The following EDIL3 variants were observed in gnomAD, a reference collection of about 807,000 sequenced individuals.
The protein encoded by EDIL3 is EGF-like repeat and discoidin I-like domain-containing protein 3.
A neutral mutation model predicts 67.4 loss-of-function variants in EDIL3; 37 were observed. The ratio of observed to expected loss-of-function variants is 0.55; its 90% CI spans 0.42 to 0.72. The LOEUF is 0.72. Among genes scored for constraint, EDIL3 ranks in the 30% least tolerant of loss-of-function variants. The probability of loss-of-function intolerance (pLI) is 0.00; values close to 1 mark genes in which losing one functional copy is unlikely to be tolerated. For synonymous variants in EDIL3, 195 were observed against 196.3 expected (o/e 0.99, Z 0.05); for missense variants, 527 against 586.3 (o/e 0.90, Z 1.04).
chr5:83,996,461 C>A (rs1745240112), intron 9 of EDIL3, among the ~76,000 whole-genome samples: 1 of 152,124 alleles, frequency 6.6e-6, no homozygotes, highest in Admixed American at 6.6e-5. Flanking sequence ...AAATTAAGAG[C>A]CACCATTGCC....
At chr5:84,371,122 TATA>T (rs1377227960) in intron 1 of EDIL3, among the ~76,000 whole-genome samples, 3 of 150,228 alleles carry the variant, frequency 2.0e-5, no homozygotes, top group Admixed American at 6.6e-5. Flanking sequence ...TGAAAAGTGT[TATA>T]ATATATTTAA....
At chr5:84,323,517 A>C (rs540423980) in intron 1 of EDIL3, among the ~76,000 whole-genome samples, 73 of 152,098 alleles carry the variant, frequency 4.8e-4, no homozygotes, top group Middle Eastern at 6.8e-3. Flanking sequence ...CAAAAGGTAT[A>C]AGGTATAAAG....
chr5:84,205,406 G>A (rs1743950226), intron 3 of EDIL3, among the ~76,000 whole-genome samples: 1 of 152,140 alleles, frequency 6.6e-6, no homozygotes, highest in Non-Finnish European at 1.5e-5. Context: ...GAAGTCAGAT[G>A]TGTCATTGTG....
intron 1 of EDIL3, among the ~76,000 whole-genome samples, chr5:84,313,890 T>C (rs1294803142): frequency 1.3e-5 from 2 of 151,952 alleles, no homozygotes; most frequent in Non-Finnish European, 2.9e-5. Flanking sequence ...TGGAGTGCGG[T>C]AGTGGAGAAA....
At chr5:84,210,586 T>C (rs972930656) in intron 3 of EDIL3, among the ~76,000 whole-genome samples, 1 of 152,072 alleles carries the variant, frequency 6.6e-6, no homozygotes, top group Admixed American at 6.6e-5. Flanking sequence ...AAAAAAAACA[T>C]ATAAGCATAT....
At chr5:84,210,779 G>A (rs1167402333) in intron 3 of EDIL3, among the ~76,000 whole-genome samples, 2 of 152,196 alleles carry the variant, frequency 1.3e-5, no homozygotes, top group Middle Eastern at 3.4e-3. Flanking sequence ...TCATCGAATA[G>A]ACTATGATTT....
chr5:84,378,095 A>G (rs1391663119), intron 1 of EDIL3, among the ~76,000 whole-genome samples: 1 of 152,226 alleles, frequency 6.6e-6, no homozygotes, highest in Non-Finnish European at 1.5e-5. Flanking sequence ...AAACTTTATT[A>G]CCTTAGAAGA....
chr5:84,116,873 T>C (rs1439185036), intron 5 of EDIL3, among the ~76,000 whole-genome samples: 1 of 152,178 alleles, frequency 6.6e-6, no homozygotes, highest in Non-Finnish European at 1.5e-5. Context: ...TCTTATTCAG[T>C]AGAGATTCAT....
intron 6 of EDIL3, among the ~76,000 whole-genome samples, chr5:84,089,339 C>T (rs1271958137): frequency 1.3e-5 from 2 of 152,192 alleles, no homozygotes; most frequent in East Asian, 3.9e-4. Context: ...AGCCGATGAA[C>T]TCCTTTTCTT....
intron 1 of EDIL3, among the ~76,000 whole-genome samples, chr5:84,275,441 T>C (rs899574015): frequency 1.3e-5 from 2 of 152,238 alleles, no homozygotes; most frequent in African/African-American, 4.8e-5. Flanking sequence ...GTTTGTTCTT[T>C]TAGCAGCACA....
At chr5:84,021,401 G>A (rs888590000) in intron 9 of EDIL3, among the ~76,000 whole-genome samples, 2 of 151,600 alleles carry the variant, frequency 1.3e-5, no homozygotes, top group East Asian at 1.9e-4. Context: ...TATCTCACAC[G>A]TTTCCATTTT....
intron 4 of EDIL3, among the ~76,000 whole-genome samples, chr5:84,167,115 T>A (rs1580357699): frequency 6.6e-6 from 1 of 152,120 alleles, no homozygotes; most frequent in Non-Finnish European, 1.5e-5. Flanking sequence ...CGGTCTGGAT[T>A]TTTTTTGAGA....
chr5:84,381,817 C>T (rs1748081005), intron 1 of EDIL3, among the ~76,000 whole-genome samples: 2 of 152,174 alleles, frequency 1.3e-5, no homozygotes, highest in Admixed American at 6.5e-5. Context: ...ATAAAATATT[C>T]AATCTGACTG....
At chr5:83,994,897 T>G (rs1272702430) in intron 9 of EDIL3, among the ~76,000 whole-genome samples, 3 of 152,114 alleles carry the variant, frequency 2.0e-5, no homozygotes, top group Non-Finnish European at 4.4e-5. Context: ...CCTTTTTATT[T>G]CTTTCTTCCT....
Position 84,151,923 on chromosome 5 carries a change from C to CT in EDIL3, c.356-14570dup, listed in dbSNP as rs1053651713. Among the ~76,000 whole-genome samples, 20 of 108,270 alleles carry CT rather than the reference C, an allele frequency of 1.8e-4. No homozygotes were observed. In the South Asian group the frequency reaches 3.9e-3, roughly 21 times the overall value. 71.0% of individuals were successfully genotyped at this position (108,270 alleles called of 152,430 possible). A position where few individuals can be genotyped will look rare whatever the true frequency, so the allele number is the denominator to read the frequency against. On this transcript the variant is annotated intron_variant, in intron 4 of 10. Coordinates refer to ENST00000296591, the MANE Select transcript of EDIL3 (RefSeq NM_005711.5). The stretch of plus-strand genomic sequence containing the variant: ...TTTGCTGCTTCTTTTTTTTTTTTTT[C>CT]TTTTTTTTGAGATGGACTCTAGATC...
chr5:84,384,332 G>A lies in EDIL3; in HGVS notation c.43C>T (p.Leu15Phe). The A allele has an allele frequency of 6.2e-7, 1 of 1,612,232 alleles. No individual in the cohort carries two copies. The highest frequency in any genetic ancestry group is 8.5e-7 in the Non-Finnish European group (1 of 1,179,238). ...VAVWLLVGLSLGVPQFGKGDI... is the reference protein window; with the variant it reads ...VAVWLLVGLSFGVPQFGKGDI... ...CCTTTGCCGAACTGGGGGACACCGA[G>A]GCTGAGCCCGACCAAGAGCCAGACG... Residue 15 changes from leucine to phenylalanine, a missense_variant, in exon 1 of 11, where the codon CTC becomes TTC. Transcript: ENST00000296591.
chr5:84,255,295 A>T (rs1210554143), intron 1 of EDIL3, among the ~76,000 whole-genome samples: 2 of 152,198 alleles, frequency 1.3e-5, no homozygotes, highest in Non-Finnish European at 2.9e-5. Context: ...TCCCTGTGAA[A>T]ACATTTCAAA....
intron 6 of EDIL3, among the ~76,000 whole-genome samples, chr5:84,102,601 T>C (rs186249065): frequency 3.0e-3 from 459 of 151,302 alleles, no homozygotes; most frequent in Middle Eastern, 0.017. Context: ...CCACCTACAA[T>C]TGCTAAAACA....
intron 2 of EDIL3, among the ~76,000 whole-genome samples, chr5:84,236,013 T>G (rs1454407875): frequency 6.6e-6 from 1 of 152,084 alleles, no homozygotes; most frequent in Non-Finnish European, 1.5e-5. Context: ...AATGTACTTT[T>G]AATGTTTAGT....
Sources: gnomAD v4.1 joint callset for allele counts (sites outside exome capture counted in the v4.1 genomes callset) on GRCh38, gnomAD v4.1.1 for gene constraint, MANE v1.5 for transcripts, NCBI Gene and HGNC (gene_info 2026-07-23, HGNC 2026-07-21) for gene names.